Variants in NUP155 observed in about 807,000 individuals in gnomAD.
NUP155 encodes nuclear pore complex protein Nup155.
A neutral mutation model predicts 180.4 loss-of-function variants in NUP155; 71 were observed. The ratio of observed to expected loss-of-function variants is 0.39; its 90% CI spans 0.33 to 0.48. The LOEUF (loss-of-function observed/expected upper bound fraction) is 0.48. NUP155 is among the 20% of genes least tolerant of loss of function. The pLI is 0.91. For synonymous variants in NUP155, 582 were observed against 559.5 expected (o/e 1.04, Z -0.57); for missense variants, 1,553 against 1,648.9 (o/e 0.94, Z 1.01).
At chr5:37,312,044 CAAAT>C (rs939829123) in intron 22 of NUP155, among the ~76,000 whole-genome samples, 6 of 151,968 alleles carry the variant, frequency 3.9e-5, no homozygotes, top group Admixed American at 6.6e-5. Context: ...AACAAACAAA[CAAAT>C]AAATAAATAT....
At position 37,348,487 on chromosome 5, in the gene NUP155, T is replaced by C; in HGVS notation, c.995+18A>G. 1 of 1,478,214 alleles carries C rather than the reference T, an allele frequency of 6.8e-7. No individual in the cohort carries two copies. The highest frequency in any genetic ancestry group is 9.5e-7 in the Non-Finnish European group (1 of 1,056,306). The allele number at this position is 1,478,214 out of a possible 1,614,324, so 91.6% of individuals were successfully genotyped here. ...TTATGCCTGCAAATGAAATGCTTAA[T>C]AATAAATTACATGTTACCTAGCAAT... On this transcript the variant is annotated intron_variant, in intron 9 of 34. Coordinates refer to ENST00000231498, the MANE Select transcript of NUP155 (RefSeq NM_153485.3).
chr5:37,340,647 A>T (rs1026659076), intron 11 of NUP155, among the ~76,000 whole-genome samples: 1 of 152,196 alleles, frequency 6.6e-6, no homozygotes, highest in Non-Finnish European at 1.5e-5. Flanking sequence ...GGGATATAAT[A>T]GTCTTTTCAA....
chr5:37,370,761 C>A, intron 1 of NUP155, 60 bp downstream of exon 1: 1 of 1,613,480 alleles, frequency 6.2e-7, no homozygotes, highest in Non-Finnish European at 8.5e-7. Flanking sequence ...GGATAAGTAG[C>A]AAATTAGGAA....
Position 37,361,551 on chromosome 5 carries a change from C to A in NUP155, c.392+2337G>T, listed in dbSNP as rs1017980102. The stretch of plus-strand genomic sequence containing the variant: ...CATCCTCTTACATCATGCCATTCCA[C>A]AGGGCCCTTTGATAACTGGCACAGC... On this transcript the variant is annotated intron_variant, in intron 3 of 34. Coordinates refer to ENST00000231498, the MANE Select transcript of NUP155 (RefSeq NM_153485.3). Among the ~76,000 whole-genome samples, 54 of 152,156 alleles carry A rather than the reference C, an allele frequency of 3.5e-4. 4 individuals carry two copies.
chr5:37,291,643 T>C lies in NUP155; in HGVS notation c.*257A>G. On this transcript the variant is annotated 3_prime_UTR_variant, in exon 35 of 35. Coordinates refer to ENST00000231498, the MANE Select transcript of NUP155 (RefSeq NM_153485.3). ...CAGTACAATTCAAAATAAGAGTTTC[T>C]AAATTTTTTTAATCCTTATGTTAAA... The C allele has an allele frequency of 2.9e-6, 1 of 344,922 alleles. No homozygotes were observed. Among genetic ancestry groups the C allele is most frequent in the Non-Finnish European group, 5.3e-6 (1 of 187,184 alleles). 21.4% of individuals were successfully genotyped at this position (344,922 alleles called of 1,614,324 possible). A position where few individuals can be genotyped will look rare whatever the true frequency, so the allele number is the denominator to read the frequency against.
chr5:37,348,622 T>A, intron 8 of NUP155, 26 bp from the exon 9 acceptor site: 1 of 1,277,944 alleles, frequency 7.8e-7, no homozygotes, highest in Non-Finnish European at 1.1e-6. Flanking sequence ...CATTCTCACT[T>A]AAACATGATT....
rs397997410 is a variant in NUP155 at position 37,361,285 on chromosome 5, A to AAAAAAAAAAAAG, written c.392+2602_392+2603insCTTTTTTTTTTT. Among the ~76,000 whole-genome samples, 9 of 141,470 alleles carry AAAAAAAAAAAAG rather than the reference A, an allele frequency of 6.4e-5. 3 individuals carry two copies. The highest frequency in any genetic ancestry group is 2.7e-4 in the African/African-American group (9 of 33,012). The allele number at this position is 141,470 out of a possible 152,430, so 92.8% of individuals were successfully genotyped here. A position where few individuals can be genotyped will look rare whatever the true frequency, so the allele number is the denominator to read the frequency against. ...TGTCTCAAAAAAAAAAAAAAAAAAAAGACAATGGCTGAACAGAAAAGGAGA... is the reference window on the plus strand; with the variant it reads ...TGTCTCAAAAAAAAAAAAAAAAAAAAAAAAAAAAAAAGGACAATGGCTGAACAGAAAAGGAGA... On this transcript the variant is annotated intron_variant, in intron 3 of 34. Coordinates refer to ENST00000231498, the MANE Select transcript of NUP155 (RefSeq NM_153485.3).
chr5:37,309,124 C>T lies in NUP155; in HGVS notation c.2767+5G>A, dbSNP rs369002920. ...AAAAGATACAAGAAACATTTTATTT[C>T]TCACCTTGTCTATACTGAGCACAAA... On this transcript the variant is annotated splice_donor_5th_base_variant and intron_variant, in intron 24 of 34. Coordinates refer to ENST00000231498, the MANE Select transcript of NUP155 (RefSeq NM_153485.3). 2 of 1,612,664 alleles carry T rather than the reference C, an allele frequency of 1.2e-6. No homozygotes were observed. Among genetic ancestry groups the T allele is most frequent in the African/African-American group, 2.7e-5 (2 of 75,002 alleles).
Position 37,295,931 on chromosome 5 carries a change from T to G in NUP155, c.3794-1466A>C, listed in dbSNP as rs559925772. Among the ~76,000 whole-genome samples the G allele has an allele frequency of 1.9e-4, 27 of 144,938 alleles. No individual in the cohort carries two copies. In the East Asian group the frequency reaches 5.6e-3, roughly 30 times the overall value. On this transcript the variant is annotated intron_variant, in intron 32 of 34. Coordinates refer to ENST00000231498, the MANE Select transcript of NUP155 (RefSeq NM_153485.3). Reference sequence around the variant, plus strand: ...CCCCGTCCGGGAGGTGAGGGGCGCCTCTGCCCGGCCGCCCCTACTGGGAAG... The same window carrying G: ...CCCCGTCCGGGAGGTGAGGGGCGCCGCTGCCCGGCCGCCCCTACTGGGAAG...
At chr5:37,352,951 T>C in intron 4 of NUP155, 122 bp from the exon 5 acceptor site, 2 of 665,674 alleles carry the variant, frequency 3.0e-6, no homozygotes, top group Non-Finnish European at 2.7e-6. Flanking sequence ...GGATGCAGTT[T>C]AGTCAATTCT....
intron 14 of NUP155, among the ~76,000 whole-genome samples, chr5:37,330,887 C>T (rs182112392): frequency 5.3e-5 from 8 of 152,048 alleles, no homozygotes; most frequent in Admixed American, 1.3e-4. Context: ...TGGTGGCTCA[C>T]GCCTGTAATC....
At chr5:37,339,420 G>C (rs1409705543) in intron 11 of NUP155, among the ~76,000 whole-genome samples, 1 of 152,058 alleles carries the variant, frequency 6.6e-6, no homozygotes, top group Admixed American at 6.6e-5. Context: ...TTGAGCCCAG[G>C]AGTTTAAGAC....
chr5:37,342,793 G>C (rs937474586), intron 9 of NUP155, 147 bp from the exon 10 acceptor site: 2 of 629,002 alleles, frequency 3.2e-6, no homozygotes, highest in African/African-American at 1.8e-5. Context: ...CTGGAGGAGA[G>C]TGGCGTGATC....
At position 37,351,245 on chromosome 5, in the gene NUP155, T is replaced by C; in HGVS notation, c.668A>G (p.Asn223Ser). 1 of 1,613,810 alleles carries C rather than the reference T, an allele frequency of 6.2e-7. No homozygotes were observed. The highest frequency in any genetic ancestry group is 1.1e-5 in the South Asian group (1 of 91,080). Reference sequence around the variant, plus strand: ...CTTTCCAGCCAAGAAAATTCTGCCATTATCAGTGGAAGTTATTGTTAAAAG... The same window carrying C: ...CTTTCCAGCCAAGAAAATTCTGCCACTATCAGTGGAAGTTATTGTTAAAAG... ...TYLLTITSTDNGRIFLAGKDG... is the reference protein window; with the variant it reads ...TYLLTITSTDSGRIFLAGKDG... The change falls in exon 6 of 35, where the codon AAT (asparagine) becomes AGT (serine). Residue 223 changes from asparagine (N) to serine (S), a missense_variant. Transcript: ENST00000231498.
In NUP155 at chr5:37,308,555, G is replaced by A. The variant is rs190261655; in HGVS notation, c.2767+574C>T. The stretch of plus-strand genomic sequence containing the variant: ...TACTAAAAATACAAAAAAATTAGCC[G>A]GGCATGGTGGCAGGCGCCTGTAGTC... On this transcript the variant is annotated intron_variant, in intron 24 of 34. Coordinates refer to ENST00000231498, the MANE Select transcript of NUP155 (RefSeq NM_153485.3). Among the ~76,000 whole-genome samples the A allele has an allele frequency of 4.5e-4, 69 of 152,108 alleles. 1 individual carries two copies. The highest frequency in any genetic ancestry group is 9.9e-4 in the African/African-American group (41 of 41,506).
At chr5:37,368,209 CTTTTTTTTT>C (rs58198308) in intron 1 of NUP155, among the ~76,000 whole-genome samples, 161 of 52,868 alleles carry the variant, frequency 3.0e-3, no homozygotes, top group East Asian at 0.021. Flanking sequence ...AGCGCCAGGC[CTTTTTTTTT>C]TTTTTTTTTT....
chr5:37,320,136 A>G (rs561227655), intron 20 of NUP155, among the ~76,000 whole-genome samples: 3 of 151,764 alleles, frequency 2.0e-5, no homozygotes, highest in Admixed American at 6.6e-5. Context: ...TCCAGCCTCA[A>G]TGACAGAGCA....
chr5:37,314,103 C>A, intron 22 of NUP155, 95 bp downstream of exon 22: 1 of 859,908 alleles, frequency 1.2e-6, no homozygotes. Context: ...AACTTAAATG[C>A]TTCCCAAAAT....
At chr5:37,318,348 A>C (rs925019108) in intron 20 of NUP155, among the ~76,000 whole-genome samples, 1 of 152,154 alleles carries the variant, frequency 6.6e-6, no homozygotes, top group Non-Finnish European at 1.5e-5. Flanking sequence ...AAAAAGATCA[A>C]GTAAAAAGAG....
Sources: gnomAD v4.1 joint callset for allele counts (sites outside exome capture counted in the v4.1 genomes callset) on GRCh38, gnomAD v4.1.1 for gene constraint, MANE v1.5 for transcripts, NCBI Gene and HGNC (gene_info 2026-07-23, HGNC 2026-07-21) for gene names.